SPATA4: variants seen among roughly 807,000 people sequenced by gnomAD.
The protein encoded by SPATA4 is spermatogenesis associated 4.
SPATA4 carries 35 observed loss-of-function variants against 31.8 expected under a neutral mutation model. The observed-to-expected ratio is 1.10, with a 90% CI of 0.84 to 1.46. SPATA4 has a LOEUF of 1.46. Ranked by LOEUF, SPATA4 falls within the 40% of genes most tolerant of loss-of-function variation. SPATA4 has a pLI of 0.00. For synonymous variants in SPATA4, 126 were observed against 132.4 expected (o/e 0.95, Z 0.33); for missense variants, 394 against 363.1 (o/e 1.09, Z -0.69).
Position 176,195,525 on chromosome 4 carries a change from T to A in SPATA4, c.38A>T (p.Gln13Leu), listed in dbSNP as rs936492886. ...TGACTTGTCTAGGGCTGCCGCAGTC[T>A]GTGTCAAATACCCTTTTTCCTGGCC... ...AAGQEKGYLT[Q>L]TAAALDKSPS... The change falls in exon 1 of 6, where the codon CAG (glutamine) becomes CTG (leucine). Residue 13 changes from glutamine (Q) to leucine (L), a missense_variant. Gln to Leu is a moderately radical substitution (Grantham distance 113). Transcript: ENST00000280191. 1.9e-6 allele frequency: 3 copies of A among 1,614,116 alleles called. No individual in the cohort carries two copies.
chr4:176,195,327 A>C lies in SPATA4; in HGVS notation c.218+18T>G, dbSNP rs753921407. On this transcript the variant is annotated intron_variant, in intron 1 of 5. Transcript: ENST00000280191. ...GGGGCGCCCACCGGGGGGGCCTAGGACTGGCTTACTCAAGCACCTGTTGAT... is the reference window on the plus strand; with the variant it reads ...GGGGCGCCCACCGGGGGGGCCTAGGCCTGGCTTACTCAAGCACCTGTTGAT... The C allele has an allele frequency of 2.5e-6, 4 of 1,613,368 alleles. No individual in the cohort carries two copies. In the African/African-American group the frequency reaches 4.0e-5, roughly 16 times the overall value.
chr4:176,191,877 G>T (rs993100403), intron 4 of SPATA4, among the ~76,000 whole-genome samples: 1 of 152,092 alleles, frequency 6.6e-6, no homozygotes, highest in African/African-American at 2.4e-5. Context: ...AGAGAAAATG[G>T]TTTTCTTCAG....
intron 2 of SPATA4, 102 bp downstream of exon 2, chr4:176,193,351 T>C (rs1371181354): frequency 1.0e-5 from 14 of 1,403,734 alleles, no homozygotes; most frequent in Non-Finnish European, 1.2e-5. Flanking sequence ...CAACTCAGTA[T>C]CACACAGTCA....
chr4:176,193,649 T>C, intron 1 of SPATA4, 67 bp from the exon 2 acceptor site: 1 of 1,410,162 alleles, frequency 7.1e-7, no homozygotes, highest in Non-Finnish European at 9.4e-7. Context: ...TATTTTATAA[T>C]TAATACTAGT....
At chr4:176,187,123 T>G (rs1752456158) in intron 5 of SPATA4, among the ~76,000 whole-genome samples, 1 of 152,172 alleles carries the variant, frequency 6.6e-6, no homozygotes, top group Non-Finnish European at 1.5e-5. Flanking sequence ...TGCATTGCCC[T>G]GTGTTTTTAT....
chr4:176,195,300 G>A (rs1054458941), intron 1 of SPATA4, 45 bp downstream of exon 1: 4 of 1,601,292 alleles, frequency 2.5e-6, no homozygotes, highest in African/African-American at 1.3e-5. Context: ...CGGAAAGCAG[G>A]CGGGGCGCCC....
At chr4:176,187,659 C>A (rs895392841) in intron 5 of SPATA4, among the ~76,000 whole-genome samples, 3 of 152,154 alleles carry the variant, frequency 2.0e-5, no homozygotes, top group Admixed American at 1.3e-4. Flanking sequence ...CAAAAACAGG[C>A]AACAGGCTGA....
chr4:176,187,132 A>G (rs949905204), intron 5 of SPATA4, among the ~76,000 whole-genome samples: 1 of 152,052 alleles, frequency 6.6e-6, no homozygotes, highest in African/African-American at 2.4e-5. Flanking sequence ...CTGTGTTTTT[A>G]TTTGCTAAAT....
chr4:176,195,187 G>A (rs909381471), intron 1 of SPATA4, among the ~76,000 whole-genome samples, 158 bp downstream of exon 1: 4 of 152,222 alleles, frequency 2.6e-5, no homozygotes, highest in Admixed American at 6.5e-5. Context: ...TTTTGTTAAA[G>A]CCTTGTTCCC....
chr4:176,188,217 G>A lies in SPATA4; in HGVS notation c.707C>T (p.Pro236Leu), dbSNP rs1752475965. 2 of 1,609,526 alleles carry A rather than the reference G, an allele frequency of 1.2e-6. No homozygotes were observed. The highest frequency in any genetic ancestry group is 1.3e-5 in the African/African-American group (1 of 74,684). The change falls in exon 5 of 6, where the codon CCA becomes CTA. Residue 236 changes from proline (P) to leucine (L), a missense_variant. Transcript: ENST00000280191. The stretch of plus-strand genomic sequence containing the variant: ...ATTGAGAGTAACTTCTCCCACTGTT[G>A]GTTTCACATCAAACCATTCTATAAA... ...KLNPEWFDVK[P>L]TVGEVTLNHL...
rs762070451 is a variant in SPATA4, at chr4:176,192,938, G to A, written c.467+20C>T. 1 of 1,584,570 alleles carries A rather than the reference G, an allele frequency of 6.3e-7. No homozygotes were observed. The highest frequency in any genetic ancestry group is 8.6e-7 in the Non-Finnish European group (1 of 1,164,368). ...AGTTTCACATTAAATTGTGTTACTA[G>A]GAAATTACAAAGAACTTACTCTCGA... On this transcript the variant is annotated intron_variant, in intron 3 of 5. Coordinates refer to ENST00000280191, the MANE Select transcript of SPATA4 (RefSeq NM_144644.4).
At position 176,192,839 on chromosome 4, in the gene SPATA4, C is replaced by T; in HGVS notation, c.476G>A (p.Ser159Asn). Residue 159 changes from serine (S) to asparagine (N), a missense_variant, in exon 4 of 6, where the codon AGT becomes AAT. Transcript: ENST00000280191. ...YTLLTHREIK[S>N]IQDDFVNFTD... ...GAAATTCACAAAGTCATCCTGGATA[C>T]TTTTAATTCTGGAAATAAAAAATAA... 6.2e-7 allele frequency: 1 copy of T among 1,610,562 alleles called. No homozygotes were observed. The highest frequency in any genetic ancestry group is 1.3e-5 in the African/African-American group (1 of 74,780).
chr4:176,191,181 A>T (rs748205377), intron 4 of SPATA4, among the ~76,000 whole-genome samples: 5 of 151,288 alleles, frequency 3.3e-5, no homozygotes, highest in African/African-American at 1.2e-4. Flanking sequence ...CTGCAACCTA[A>T]GCCTCCTGGG....
Position 176,195,405 on chromosome 4 carries a change from C to A in SPATA4, c.158G>T (p.Arg53Leu). The change falls in exon 1 of 6, where the codon CGT becomes CTT. Residue 53 changes from arginine to leucine, a missense_variant. Coordinates refer to ENST00000280191, the MANE Select transcript of SPATA4 (RefSeq NM_144644.4). ...ACCCTGAAGCCAACGCAGAACGGAA[C>A]GAGACAAGCGGGAGCTCTTCGGCGC... is the stretch of plus-strand genomic sequence containing the variant. ...PHAPKSSRLS[R>L]SVLRWLQGLD... 2 of 1,614,218 alleles carry A rather than the reference C, an allele frequency of 1.2e-6. No individual in the cohort carries two copies. Among genetic ancestry groups the A allele is most frequent in the Non-Finnish European group, 1.7e-6 (2 of 1,180,050 alleles).
chr4:176,188,784 G>A (rs935462445), intron 4 of SPATA4, among the ~76,000 whole-genome samples: 1 of 152,084 alleles, frequency 6.6e-6, no homozygotes, highest in African/African-American at 2.4e-5. Context: ...AACTAATCCT[G>A]TAAACTGAAA....
intron 1 of SPATA4, chr4:176,194,630 G>C (rs1020349991): frequency 6.6e-6 from 1 of 151,220 alleles, no homozygotes; most frequent in Admixed American, 6.6e-5. Context: ...TACATACAAA[G>C]TGCCTACAAT....
intron 5 of SPATA4, 130 bp from the exon 6 acceptor site, chr4:176,185,022 T>C (rs1374196511): frequency 1.2e-5 from 6 of 500,126 alleles, no homozygotes; most frequent in Non-Finnish European, 2.1e-5. Flanking sequence ...TTAATCTAAA[T>C]GCCTGGTAAA....
intron 1 of SPATA4, among the ~76,000 whole-genome samples, 194 bp downstream of exon 1, chr4:176,195,151 T>C (rs1489041915): frequency 2.0e-5 from 3 of 152,246 alleles, no homozygotes; most frequent in South Asian, 2.1e-4. Flanking sequence ...GGTTGATTAA[T>C]TGAATAAACA....
chr4:176,193,390 T>A (rs1247428321), intron 2 of SPATA4, 63 bp downstream of exon 2: 6 of 1,569,518 alleles, frequency 3.8e-6, no homozygotes, highest in Non-Finnish European at 5.2e-6. Context: ...TCCAGGAAAT[T>A]AGCATGGCAC....
Sources: gnomAD v4.1 joint callset for allele counts (sites outside exome capture counted in the v4.1 genomes callset) on GRCh38, gnomAD v4.1.1 for gene constraint, MANE v1.5 for transcripts, NCBI Gene and HGNC (gene_info 2026-07-23, HGNC 2026-07-21) for gene names.